TENM4: variants seen among roughly 807,000 people sequenced by gnomAD.
The protein encoded by TENM4 is teneurin-4.
TENM4 carries 82 observed loss-of-function variants against 243.3 expected under a neutral mutation model. The ratio of observed to expected loss-of-function variants is 0.34; its 90% CI spans 0.28 to 0.40. The LOEUF is 0.40. Ranked by LOEUF, TENM4 falls within the 10% of genes least tolerant of loss-of-function variation. The pLI is 1.00. For synonymous variants in TENM4, 1,412 were observed against 1,456.3 expected (o/e 0.97, Z 0.69); for missense variants, 3,138 against 3,673.3 (o/e 0.85, Z 3.77).
chr11:79,129,782 G>C (rs1395019923), intron 4 of TENM4, among the ~76,000 whole-genome samples: 1 of 152,084 alleles, frequency 6.6e-6, no homozygotes, highest in African/African-American at 2.4e-5. Flanking sequence ...CCCCCGACCT[G>C]ATGGTCCTTT....
Position 79,064,737 on chromosome 11 carries a change from C to G in TENM4, c.493+1G>C. 6.4e-7 allele frequency: 1 copy of G among 1,551,680 alleles called. No individual in the cohort carries two copies. The highest frequency in any genetic ancestry group is 8.7e-7 in the Non-Finnish European group (1 of 1,146,990). On this transcript the variant is annotated splice_donor_variant, in intron 6 of 33. Transcript: ENST00000278550. LOFTEE classifies it high-confidence loss of function. ...CGGCACAGACCAAACCAGCCACTCACCAGTCTCAGTGTTTTCATGCTCGGT... is the reference window on the plus strand; with the variant it reads ...CGGCACAGACCAAACCAGCCACTCAGCAGTCTCAGTGTTTTCATGCTCGGT...
At chr11:79,329,012 C>A (rs1390059956) in intron 1 of TENM4, among the ~76,000 whole-genome samples, 1 of 152,206 alleles carries the variant, frequency 6.6e-6, no homozygotes, top group African/African-American at 2.4e-5. Context: ...TGGCAGAGAA[C>A]CATCCCAACT....
At chr11:79,353,742 A>G (rs552041670) in intron 1 of TENM4, among the ~76,000 whole-genome samples, 1 of 142,336 alleles carries the variant, frequency 7.0e-6, no homozygotes, top group South Asian at 2.3e-4. Context: ...TGATTAAAAT[A>G]GAAGAAAAAG....
intron 6 of TENM4, among the ~76,000 whole-genome samples, chr11:78,968,427 G>A (rs1857479010): frequency 6.6e-6 from 1 of 152,200 alleles, no homozygotes; most frequent in Non-Finnish European, 1.5e-5. Context: ...TGGGAGCACA[G>A]GTGTGTGCCA....
chr11:78,792,709 C>T (rs761681764), intron 15 of TENM4, among the ~76,000 whole-genome samples: 7 of 152,098 alleles, frequency 4.6e-5, no homozygotes, highest in Non-Finnish European at 1.0e-4. Flanking sequence ...AGGTGTATGT[C>T]GGTTGATGCG....
chr11:79,239,455 T>C (rs764632318), intron 2 of TENM4, among the ~76,000 whole-genome samples: 1 of 152,200 alleles, frequency 6.6e-6, no homozygotes, highest in Non-Finnish European at 1.5e-5. Flanking sequence ...ATAGATGAGA[T>C]GAACTGAGGT....
chr11:79,129,499 C>T (rs1274580102), intron 4 of TENM4, among the ~76,000 whole-genome samples: 1 of 152,132 alleles, frequency 6.6e-6, no homozygotes, highest in Non-Finnish European at 1.5e-5. Flanking sequence ...CCAGCTCGCC[C>T]ACCACCTGGA....
intron 1 of TENM4, among the ~76,000 whole-genome samples, chr11:79,304,332 G>A (rs750337337): frequency 8.5e-5 from 13 of 152,342 alleles, no homozygotes; most frequent in Non-Finnish European, 1.6e-4. Flanking sequence ...TCTTGAGATG[G>A]AAGTATCTAC....
intron 3 of TENM4, among the ~76,000 whole-genome samples, chr11:79,171,557 T>A (rs1863040688): frequency 6.6e-6 from 1 of 152,184 alleles, no homozygotes; most frequent in African/African-American, 2.4e-5. Context: ...TTAAATATGG[T>A]GTTTTAGAAA....
intron 18 of TENM4, among the ~76,000 whole-genome samples, chr11:78,763,281 C>T (rs1209427065): frequency 6.6e-6 from 1 of 152,116 alleles, no homozygotes; most frequent in Non-Finnish European, 1.5e-5. Flanking sequence ...TGAAAAGAGG[C>T]AGAAGAAAAT....
At chr11:78,916,491 A>C (rs751986693) in intron 6 of TENM4, among the ~76,000 whole-genome samples, 3 of 152,206 alleles carry the variant, frequency 2.0e-5, no homozygotes, top group Non-Finnish European at 4.4e-5. Context: ...GCCTTTGTCC[A>C]TGTACAGTCT....
chr11:78,943,033 C>T (rs1017396165), intron 6 of TENM4, among the ~76,000 whole-genome samples: 10 of 152,062 alleles, frequency 6.6e-5, no homozygotes, highest in Admixed American at 3.9e-4. Flanking sequence ...CATGGTCCTG[C>T]GAGGGTCTTT....
rs1029263307 is a variant in TENM4 at position 79,440,583 on chromosome 11, CCT to C, written c.-397_-396del. 6.6e-6 allele frequency: 1 copy of C among 152,148 alleles called. No individual in the cohort carries two copies. Among genetic ancestry groups the C allele is most frequent in the Non-Finnish European group, 1.5e-5 (1 of 68,032 alleles). 9.4% of individuals were successfully genotyped at this position (152,148 alleles called of 1,614,324 possible). A position where few individuals can be genotyped will look rare whatever the true frequency, so the allele number is the denominator to read the frequency against. The stretch of plus-strand genomic sequence containing the variant: ...GAGGCAAGGCGCCGCGCCGGTGGCT[CCT>C]CTCTCTCTCGGCGGCGCGGCTCCTC... On this transcript the variant is annotated 5_prime_UTR_variant, in exon 1 of 34. An upstream open reading frame in the 5' UTR gains an earlier in-frame stop. Transcript: ENST00000278550. This position sits in a 1 kb window ranked among gnomAD's most constrained non-coding sequence, Gnocchi z 4.7.
At chr11:78,914,049 C>T (rs995881760) in intron 6 of TENM4, among the ~76,000 whole-genome samples, 12 of 152,130 alleles carry the variant, frequency 7.9e-5, no homozygotes, top group African/African-American at 2.9e-4. Flanking sequence ...AGCTTATGCC[C>T]ACAGAATTCA....
chr11:78,800,504 A>G (rs1356879488), intron 15 of TENM4, among the ~76,000 whole-genome samples: 1 of 151,918 alleles, frequency 6.6e-6, no homozygotes, highest in Non-Finnish European at 1.5e-5. Context: ...GGTGGGGAGG[A>G]GGTGGAGTCC....
intron 4 of TENM4, among the ~76,000 whole-genome samples, chr11:79,123,615 T>A (rs1462271203): frequency 9.3e-5 from 14 of 150,282 alleles, no homozygotes; most frequent in African/African-American, 2.5e-4. Context: ...TTTTTTTTTT[T>A]ATTAAGAATT....
intron 9 of TENM4, among the ~76,000 whole-genome samples, chr11:78,876,770 A>G (rs2136255740): frequency 6.6e-6 from 1 of 152,340 alleles, no homozygotes; most frequent in Non-Finnish European, 1.5e-5. Flanking sequence ...ACAGTCCAAA[A>G]GACAGGCTCA....
intron 1 of TENM4, among the ~76,000 whole-genome samples, chr11:79,397,275 C>A (rs990930898): frequency 6.6e-6 from 1 of 152,138 alleles, no homozygotes; most frequent in East Asian, 1.9e-4. Context: ...CTCAACATAG[C>A]CCCATAGTTA....
At chr11:78,730,362 C>T (rs559399547) in intron 21 of TENM4, among the ~76,000 whole-genome samples, 13 of 152,302 alleles carry the variant, frequency 8.5e-5, no homozygotes, top group Middle Eastern at 6.8e-3. Flanking sequence ...ACAGACACTA[C>T]GAGATGTTGA....
Sources: gnomAD v4.1 joint callset for allele counts (sites outside exome capture counted in the v4.1 genomes callset) on GRCh38, gnomAD v4.1.1 for gene constraint, Gnocchi (gnomAD v3.1) non-coding constraint, MANE v1.5 for transcripts, NCBI Gene and HGNC (gene_info 2026-07-23, HGNC 2026-07-21) for gene names.